PGM5: variants seen among roughly 807,000 people sequenced by gnomAD.
PGM5 encodes phosphoglucomutase-like protein 5.
PGM5 carries 23 observed loss-of-function variants against 59.2 expected under a neutral mutation model. The ratio of observed to expected loss-of-function variants is 0.39; its 90% CI spans 0.28 to 0.55. The LOEUF (loss-of-function observed/expected upper bound fraction) is 0.55. Ranked by LOEUF, PGM5 falls within the 20% of genes least tolerant of loss-of-function variation. PGM5 has a pLI of 0.66. For missense variants in PGM5, 574 were observed against 748.3 expected, an observed-to-expected ratio of 0.77 and a Z score of 2.72; for synonymous variants, 214 against 286.0, an observed-to-expected ratio of 0.75 and a Z score of 2.54.
chr9:68,376,651 G>A (rs1463817464), intron 1 of PGM5, among the ~76,000 whole-genome samples: 1 of 151,996 alleles, frequency 6.6e-6, no homozygotes, highest in African/African-American at 2.4e-5. Flanking sequence ...AGTTTGTTTT[G>A]GCTTGTCGGT....
rs574059066 is a variant in PGM5 at position 68,465,479 on chromosome 9, A to G, written c.1159+271A>G. Among the ~76,000 whole-genome samples, 14 of 152,116 alleles carry G rather than the reference A, an allele frequency of 9.2e-5. 1 individual carries two copies. Among genetic ancestry groups the G allele is most frequent in the Non-Finnish European group, 7.4e-5 (5 of 68,010 alleles). On this transcript the variant is annotated intron_variant, in intron 7 of 10. Transcript: ENST00000396396. ...AGAGAGAATATCGCATTGAATCCCC[A>G]TGTTACTGTCACTCCCATTTCAACC...
At chr9:68,523,274 C>G (rs979818279) in intron 10 of PGM5, among the ~76,000 whole-genome samples, 1 of 152,140 alleles carries the variant, frequency 6.6e-6, no homozygotes, top group African/African-American at 2.4e-5. Context: ...ATTAGAGTAC[C>G]TTAGAGCAGT....
rs1554687400 is a variant in PGM5 at position 68,484,576 on chromosome 9, AC to A, written c.1479+529del. 3.1e-4 allele frequency among the ~76,000 whole-genome samples: 45 copies of A among 147,408 alleles called. 1 individual carries two copies. The East Asian group carries it at 4.0e-3, about 13-fold the overall frequency. ...CACACACACACACACACACACACAC[AC>A]AAAACAAAACAAACAAAAAACAAAA... On this transcript the variant is annotated intron_variant, in intron 9 of 10. Coordinates refer to ENST00000396396, the MANE Select transcript of PGM5 (RefSeq NM_021965.4).
At chr9:68,388,012 A>G (rs1345162412) in intron 4 of PGM5, among the ~76,000 whole-genome samples, 1 of 151,044 alleles carries the variant, frequency 6.6e-6, no homozygotes, top group Non-Finnish European at 1.5e-5. Context: ...ATCATTAAAT[A>G]TTATGAATAT....
intron 9 of PGM5, among the ~76,000 whole-genome samples, chr9:68,487,098 T>C (rs1554687579): frequency 6.6e-6 from 1 of 152,166 alleles, no homozygotes; most frequent in African/African-American, 2.4e-5. Flanking sequence ...TACTGCCAAG[T>C]GTCTGCTTCC....
At chr9:68,468,701 G>T (rs1823975551) in intron 7 of PGM5, among the ~76,000 whole-genome samples, 1 of 152,104 alleles carries the variant, frequency 6.6e-6, no homozygotes, top group Non-Finnish European at 1.5e-5. Flanking sequence ...GGTTCTAAAA[G>T]ATCTTACACT....
At chr9:68,448,455 AATTTCATTAACAAACCTGC>A (rs1823647844) in intron 6 of PGM5, among the ~76,000 whole-genome samples, 1 of 152,134 alleles carries the variant, frequency 6.6e-6, no homozygotes, top group Non-Finnish European at 1.5e-5. Context: ...GAGTCATGCT[AATTTCATTAACAAACCTGC>A]ATTAACCAGG....
intron 7 of PGM5, among the ~76,000 whole-genome samples, chr9:68,472,502 G>T (rs772143799): frequency 1.4e-4 from 21 of 152,176 alleles, no homozygotes; most frequent in Non-Finnish European, 2.2e-4. Flanking sequence ...TAGCTTCTCT[G>T]TGACTCAATT....
chr9:68,496,551 T>G (rs1441749549), intron 9 of PGM5, among the ~76,000 whole-genome samples: 1 of 152,248 alleles, frequency 6.6e-6, no homozygotes, highest in Non-Finnish European at 1.5e-5. Context: ...AGTAGGCTGA[T>G]GCATGCTATT....
chr9:68,397,591 A>G (rs1321395052), intron 6 of PGM5: 1 of 152,230 alleles, frequency 6.6e-6, no homozygotes, highest in Non-Finnish European at 1.5e-5. Context: ...AGAAATATTT[A>G]TTAAGGACCT....
At chr9:68,442,160 TAA>T (rs1554683726) in intron 6 of PGM5, among the ~76,000 whole-genome samples, 2 of 152,214 alleles carry the variant, frequency 1.3e-5, no homozygotes, top group African/African-American at 4.8e-5. Context: ...ACAATTCCAA[TAA>T]AAATTTCCAC....
chr9:68,430,691 TAGTAAGGGAAATCTC>T (rs1823330057), intron 6 of PGM5, among the ~76,000 whole-genome samples: 1 of 152,342 alleles, frequency 6.6e-6, no homozygotes, highest in Admixed American at 6.5e-5. Flanking sequence ...CAACTTTCCA[TAGTAAGGGAAATCTC>T]AGTAAGGGAA....
chr9:68,386,934 G>A (rs1261789468), intron 3 of PGM5, among the ~76,000 whole-genome samples: 4 of 151,924 alleles, frequency 2.6e-5, no homozygotes, highest in East Asian at 1.9e-4. Flanking sequence ...GAGATTTCAC[G>A]CAAACCCAGG....
intron 7 of PGM5, among the ~76,000 whole-genome samples, chr9:68,475,084 G>A (rs1291600112): frequency 2.0e-5 from 3 of 151,432 alleles, no homozygotes; most frequent in Non-Finnish European, 4.4e-5. Context: ...TGTGATCTCA[G>A]CTCACTGCAA....
intron 6 of PGM5, among the ~76,000 whole-genome samples, chr9:68,409,168 C>A (rs1270737339): frequency 1.3e-5 from 2 of 150,208 alleles, no homozygotes; most frequent in Non-Finnish European, 3.0e-5. Context: ...ATCAAAACCA[C>A]AATGAGATAC....
intron 9 of PGM5, among the ~76,000 whole-genome samples, chr9:68,491,249 C>T (rs1824384221): frequency 6.6e-6 from 1 of 152,234 alleles, no homozygotes; most frequent in Admixed American, 6.5e-5. Context: ...AGAGGAAGAA[C>T]TTATTTGGTG....
chr9:68,434,953 G>A (rs1437177848), intron 6 of PGM5, among the ~76,000 whole-genome samples: 6 of 152,076 alleles, frequency 3.9e-5, no homozygotes, highest in Admixed American at 2.0e-4. Flanking sequence ...AAAGTCACTC[G>A]GAAACACTTG....
At chr9:68,440,636 T>C (rs1402677900) in intron 6 of PGM5, among the ~76,000 whole-genome samples, 1 of 152,082 alleles carries the variant, frequency 6.6e-6, no homozygotes, top group East Asian at 1.9e-4. Context: ...AAAATGAAAA[T>C]ACATCAAAAT....
intron 6 of PGM5, among the ~76,000 whole-genome samples, chr9:68,409,641 C>T (rs1402447737): frequency 6.2e-5 from 9 of 144,388 alleles, no homozygotes; most frequent in South Asian, 2.2e-4. Flanking sequence ...AACCAAACAC[C>T]GCATGTTCTC....
Sources: allele counts gnomAD v4.1 joint callset (sites outside exome capture counted in the v4.1 genomes callset), GRCh38; gene constraint gnomAD v4.1.1; transcripts MANE v1.5; gene names NCBI Gene and HGNC (gene_info 2026-07-23, HGNC 2026-07-21).